The following MEGF11 variants were observed in gnomAD, a reference collection of about 807,000 sequenced individuals.
MEGF11 encodes the protein multiple epidermal growth factor-like domains protein 11.
MEGF11 carries 126 observed loss-of-function variants against 146.6 expected under a neutral mutation model. That is an observed-to-expected ratio of 0.86 (90% CI 0.74 to 1.00). The LOEUF (loss-of-function observed/expected upper bound fraction) is 1.00, where lower values mean the gene tolerates loss of function less well. Ranked by LOEUF, MEGF11 falls within the 50% of genes least tolerant of loss-of-function variation. MEGF11 has a pLI of 0.00. For synonymous variants in MEGF11, 532 were observed against 583.4 expected (o/e 0.91, Z 1.27); for missense variants, 1,509 against 1,521.2 (o/e 0.99, Z 0.13).
chr15:66,139,054 A>T (rs1311247033), intron 1 of MEGF11, among the ~76,000 whole-genome samples: 1 of 152,212 alleles, frequency 6.6e-6, no homozygotes, highest in Non-Finnish European at 1.5e-5. Flanking sequence ...GGCCCTGCTG[A>T]CTTGCAGTCT....
At chr15:65,963,658 TTGAATGAATGACCGAG>T (rs1183022229) in intron 9 of MEGF11, among the ~76,000 whole-genome samples, 1 of 152,204 alleles carries the variant, frequency 6.6e-6, no homozygotes, top group Non-Finnish European at 1.5e-5. Flanking sequence ...TCAGTGTTTG[TTGAATGAATGACCGAG>T]TGAATGAATG....
intron 5 of MEGF11, among the ~76,000 whole-genome samples, chr15:65,990,869 T>G (rs2082025059): frequency 6.6e-6 from 1 of 151,966 alleles, no homozygotes; most frequent in Admixed American, 6.6e-5. Context: ...GGATAGGAGG[T>G]GTGTTTGTAT....
chr15:65,964,977 A>C lies in MEGF11; in HGVS notation c.1043T>G (p.Leu348Arg). ...TGGGCCATGCAGGCCCTCCGGGCAC[A>C]GTCGCTCCTGGCAGCGTGGGCCCTT... The part of the protein sequence containing the change: ...GYKGPRCQER[L>R]CPEGLHGPGC... Residue 348 changes from leucine to arginine, a missense_variant, in exon 9 of 26, where the codon CTG becomes CGG. By Grantham distance (102) the Leu-to-Arg change is moderately radical. Coordinates refer to ENST00000395614, the MANE Select transcript of MEGF11 (RefSeq NM_001385028.1). The C allele has an allele frequency of 6.4e-7, 1 of 1,569,912 alleles. No homozygotes were observed. Among genetic ancestry groups the C allele is most frequent in the Non-Finnish European group, 8.6e-7 (1 of 1,157,876 alleles).
chr15:66,248,565 G>A (rs2092328678), intron 1 of MEGF11, among the ~76,000 whole-genome samples: 1 of 152,204 alleles, frequency 6.6e-6, no homozygotes. Flanking sequence ...TATATTCCCT[G>A]AAGGCATCTT....
chr15:66,148,136 A>T (rs1221405593), intron 1 of MEGF11, among the ~76,000 whole-genome samples: 1 of 152,198 alleles, frequency 6.6e-6, no homozygotes, highest in Non-Finnish European at 1.5e-5. Context: ...GTGTGTCTGT[A>T]TATGGCTCTT....
chr15:66,128,364 G>A lies in MEGF11; in HGVS notation c.40C>T (p.Leu14=), dbSNP rs2088478895. Residue 14 remains leucine (L), a synonymous_variant, in exon 2 of 26, where the codon CTG becomes TTG. Coordinates refer to ENST00000395614, the MANE Select transcript of MEGF11 (RefSeq NM_001385028.1). ...SLTGLIAFSF[L]QATLALNPED... is the part of the protein sequence containing the mutation. ...GGGTTCAGGGCAAGGGTGGCTTGCA[G>A]GAAGGAGAAGGCAATGAGCCCCGTC... The A allele has an allele frequency of 1.3e-6, 2 of 1,525,078 alleles. No homozygotes were observed. The highest frequency in any genetic ancestry group is 1.4e-5 in the African/African-American group (1 of 71,434). The allele number at this position is 1,525,078 out of a possible 1,614,324, so 94.5% of individuals were successfully genotyped here.
chr15:66,250,703 C>T (rs2100897), intron 1 of MEGF11, among the ~76,000 whole-genome samples: 53,003 of 151,958 alleles, frequency 0.35, 9,902 homozygotes, highest in African/African-American at 0.47. Flanking sequence ...GGTCAGGAGT[C>T]TGAGACCAGC....
intron 1 of MEGF11, among the ~76,000 whole-genome samples, chr15:66,222,450 C>T (rs2091760294): frequency 6.6e-6 from 1 of 152,170 alleles, no homozygotes. Context: ...CCTCTTGCAC[C>T]TATTGCTGTT....
intron 24 of MEGF11, among the ~76,000 whole-genome samples, chr15:65,899,490 G>A (rs944189950): frequency 1.3e-5 from 2 of 152,182 alleles, no homozygotes; most frequent in African/African-American, 4.8e-5. Context: ...TTATCGGTAC[G>A]TGCCACCACA....
chr15:66,008,439 A>ACACACACACACACG (rs2082596404), intron 5 of MEGF11, among the ~76,000 whole-genome samples: 1 of 149,398 alleles, frequency 6.7e-6, no homozygotes, highest in Admixed American at 6.6e-5. Context: ...ACACACACAC[A>ACACACACACACACG]CACACACACA....
intron 7 of MEGF11, among the ~76,000 whole-genome samples, chr15:65,976,040 CTTTTT>C (rs57047424): frequency 6.9e-5 from 7 of 102,084 alleles, no homozygotes; most frequent in Non-Finnish European, 1.0e-4. Flanking sequence ...TTCAACATTC[CTTTTT>C]TTTTTTTTTT....
At chr15:66,183,460 A>T (rs779442727) in intron 1 of MEGF11, among the ~76,000 whole-genome samples, 2 of 150,824 alleles carry the variant, frequency 1.3e-5, no homozygotes, top group Non-Finnish European at 2.9e-5. Context: ...AGATTGCGCC[A>T]CTGCACTCCA....
intron 5 of MEGF11, among the ~76,000 whole-genome samples, chr15:66,020,987 A>G (rs2083095862): frequency 1.9e-5 from 2 of 106,014 alleles, no homozygotes; most frequent in African/African-American, 3.8e-5. Context: ...GCGAAACTCC[A>G]TCTCAAAAAA....
intron 1 of MEGF11, among the ~76,000 whole-genome samples, chr15:66,147,555 G>T (rs755273989): frequency 6.6e-6 from 1 of 152,258 alleles, no homozygotes; most frequent in Non-Finnish European, 1.5e-5. Flanking sequence ...GGGCACACAT[G>T]CTGAGACCTG....
Position 65,897,820 on chromosome 15 carries a change from A to G in MEGF11, c.*114T>C. On this transcript the variant is annotated 3_prime_UTR_variant, in exon 26 of 26. Transcript: ENST00000395614. ...TCTTCTTTAGTTCCAGGTGAACGTA[A>G]TAACTAACATGCAGCTGGAGCCAGT... 1.0e-6 allele frequency: 1 copy of G among 983,520 alleles called. No individual in the cohort carries two copies. Among genetic ancestry groups the G allele is most frequent in the Non-Finnish European group, 1.5e-6 (1 of 681,108 alleles). 60.9% of individuals were successfully genotyped at this position (983,520 alleles called of 1,614,324 possible).
intron 5 of MEGF11, among the ~76,000 whole-genome samples, chr15:66,016,978 C>T (rs982347202): frequency 5.9e-5 from 9 of 152,198 alleles, no homozygotes; most frequent in African/African-American, 1.7e-4. Context: ...CACCCATGGT[C>T]GTCTGACTCA....
intron 9 of MEGF11, among the ~76,000 whole-genome samples, chr15:65,962,465 C>T (rs888524320): frequency 6.6e-6 from 1 of 152,158 alleles, no homozygotes; most frequent in Admixed American, 6.5e-5. Flanking sequence ...TTCTACAAAG[C>T]ACAGGACAGC....
intron 10 of MEGF11, among the ~76,000 whole-genome samples, chr15:65,931,226 C>T (rs2079565129): frequency 6.6e-6 from 1 of 152,076 alleles, no homozygotes; most frequent in Non-Finnish European, 1.5e-5. Flanking sequence ...AGAGATACAC[C>T]ATGAGGAGCC....
intron 10 of MEGF11, among the ~76,000 whole-genome samples, chr15:65,938,259 G>A (rs2079855950): frequency 4.6e-5 from 7 of 152,210 alleles, no homozygotes; most frequent in Admixed American, 4.6e-4. Context: ...AAAGTGACTT[G>A]CCCAAGATCA....
Sources: allele counts gnomAD v4.1 joint callset (sites outside exome capture counted in the v4.1 genomes callset), GRCh38; gene constraint gnomAD v4.1.1; transcripts MANE v1.5; gene names NCBI Gene and HGNC (gene_info 2026-07-23, HGNC 2026-07-21).